BRAF: variants seen among roughly 807,000 people sequenced by gnomAD.
BRAF encodes the protein B-Raf proto-oncogene, serine/threonine kinase.
BRAF carries 16 observed loss-of-function variants against 104.6 expected under a neutral mutation model. That is an observed-to-expected ratio of 0.15 (90% CI 0.10 to 0.23). BRAF has a LOEUF of 0.23. BRAF is among the 10% of genes least tolerant of loss of function. BRAF has a pLI of 1.00. For synonymous variants in BRAF, 310 were observed against 341.6 expected, an observed-to-expected ratio of 0.91 and a Z score of 1.02; for missense variants, 541 against 937.3, an observed-to-expected ratio of 0.58 and a Z score of 5.52.
At chr7:140,728,587 T>C (rs1030410706) in intron 19 of BRAF, among the ~76,000 whole-genome samples, 1 of 151,964 alleles carries the variant, frequency 6.6e-6, no homozygotes, top group Non-Finnish European at 1.5e-5. Context: ...ACTAAGACCT[T>C]AGAGTAAAAC....
rs1472377804 is a variant in BRAF at position 140,853,215 on chromosome 7, A to C, written c.139-3003T>G. On this transcript the variant is annotated intron_variant, in intron 1 of 19. Coordinates refer to ENST00000644969, the MANE Select transcript of BRAF (RefSeq NM_001374258.1). ...CAACATAGTAGGACCCTGTATCTAC[A>C]AAAAAAAAAGAAAAAAAAAAAATAG... 4.8e-5 allele frequency among the ~76,000 whole-genome samples: 7 copies of C among 144,766 alleles called. No homozygotes were observed. The East Asian group carries it at 9.9e-4, about 21-fold the overall frequency. The allele number at this position is 144,766 out of a possible 152,430, so 95.0% of individuals were successfully genotyped here. A position where few individuals can be genotyped will look rare whatever the true frequency, so the allele number is the denominator to read the frequency against.
intron 14 of BRAF, among the ~76,000 whole-genome samples, chr7:140,771,455 A>C (rs1313602832): frequency 3.9e-5 from 6 of 152,172 alleles, no homozygotes; most frequent in Non-Finnish European, 2.9e-5. Flanking sequence ...TGGCCTCACA[A>C]AGTGCTGGGA....
chr7:140,723,566 A>G lies in BRAF; in HGVS notation c.*2928T>C. The G allele has an allele frequency of 9.5e-7, 1 of 1,048,444 alleles. No individual in the cohort carries two copies. Among genetic ancestry groups the G allele is most frequent in the Non-Finnish European group, 1.2e-6 (1 of 868,830 alleles). The allele number at this position is 1,048,444 out of a possible 1,614,324, so 64.9% of individuals were successfully genotyped here. On this transcript the variant is annotated 3_prime_UTR_variant, in exon 20 of 20. Transcript: ENST00000644969. The stretch of plus-strand genomic sequence containing the variant: ...TATTCACAAATCCCTTTTATAAACT[A>G]TTTTTTTGGTCAATATTATTTCAGT...
At chr7:140,778,636 A>G in intron 12 of BRAF, among the ~76,000 whole-genome samples, 1 of 152,116 alleles carries the variant, frequency 6.6e-6, no homozygotes, top group Admixed American at 6.5e-5. Context: ...AGCATGGCAC[A>G]TGTATATATA....
intron 1 of BRAF, among the ~76,000 whole-genome samples, chr7:140,873,086 C>T (rs1811794441): frequency 6.6e-6 from 1 of 150,458 alleles, no homozygotes; most frequent in Non-Finnish European, 1.5e-5. Context: ...TAAAGCTGGA[C>T]AAAACCGTCA....
In BRAF at chr7:140,722,810, T is replaced by A. The variant is rs1025528377; in HGVS notation, c.*3684A>T. ...GTTAGTGAAGTGATACCACAGCTAT[T>A]TAATTTCATGCAATTGACTCAAGGT... is the stretch of plus-strand genomic sequence containing the variant. On this transcript the variant is annotated 3_prime_UTR_variant, in exon 20 of 20. Transcript: ENST00000644969. 1 of 1,052,668 alleles carries A rather than the reference T, an allele frequency of 9.5e-7. No homozygotes were observed. The highest frequency in any genetic ancestry group is 1.7e-5 in the African/African-American group (1 of 60,362). 65.2% of individuals were successfully genotyped at this position (1,052,668 alleles called of 1,614,324 possible).
chr7:140,877,033 T>C (rs1478983957), intron 1 of BRAF, among the ~76,000 whole-genome samples: 1 of 152,142 alleles, frequency 6.6e-6, no homozygotes, highest in Non-Finnish European at 1.5e-5. Flanking sequence ...TAAATAATCT[T>C]TGAGTCAAAT....
intron 1 of BRAF, among the ~76,000 whole-genome samples, chr7:140,855,846 C>T (rs1004514005): frequency 6.6e-6 from 1 of 150,764 alleles, no homozygotes; most frequent in Admixed American, 6.6e-5. Flanking sequence ...AAGGCAAAAC[C>T]CTTTCTCTAC....
chr7:140,795,029 C>T (rs1397704444), intron 7 of BRAF, among the ~76,000 whole-genome samples: 1 of 152,104 alleles, frequency 6.6e-6, no homozygotes, highest in Non-Finnish European at 1.5e-5. Context: ...GCCAATATCT[C>T]TCATATTCTG....
intron 18 of BRAF, among the ~76,000 whole-genome samples, chr7:140,737,099 T>G (rs1796508190): frequency 6.6e-6 from 1 of 152,178 alleles, no homozygotes; most frequent in Non-Finnish European, 1.5e-5. Context: ...TGTCTTGTTT[T>G]CTTTTTCTCT....
chr7:140,729,289 T>C (rs1161521297), intron 19 of BRAF, among the ~76,000 whole-genome samples: 1 of 152,100 alleles, frequency 6.6e-6, no homozygotes, highest in Non-Finnish European at 1.5e-5. Context: ...CTGTTCATTA[T>C]AATGATTAGA....
intron 3 of BRAF, among the ~76,000 whole-genome samples, chr7:140,826,568 CAGG>C (rs1806073314): frequency 6.6e-6 from 1 of 152,130 alleles, no homozygotes; most frequent in South Asian, 2.1e-4. Flanking sequence ...GGGAGGGGCA[CAGG>C]AGAACCCTCT....
intron 1 of BRAF, among the ~76,000 whole-genome samples, chr7:140,875,975 A>G (rs1812200538): frequency 6.6e-6 from 1 of 152,256 alleles, no homozygotes; most frequent in African/African-American, 2.4e-5. Flanking sequence ...GGGAAATAAT[A>G]CCGGAAGGAA....
chr7:140,902,024 C>T (rs902670529), intron 1 of BRAF, among the ~76,000 whole-genome samples: 9 of 152,226 alleles, frequency 5.9e-5, no homozygotes, highest in Non-Finnish European at 1.0e-4. Flanking sequence ...GAAGTATAAA[C>T]TGTACAGGCA....
chr7:140,721,121 G>C lies in BRAF; in HGVS notation c.*5373C>G. 9.4e-7 allele frequency: 1 copy of C among 1,063,632 alleles called. No individual in the cohort carries two copies. The highest frequency in any genetic ancestry group is 1.1e-6 in the Non-Finnish European group (1 of 878,010). The allele number at this position is 1,063,632 out of a possible 1,614,324, so 65.9% of individuals were successfully genotyped here. The stretch of plus-strand genomic sequence containing the variant: ...AAAATGGATACACTGGCTTACATTG[G>C]CTGTGTCCTCATACACACTCGTCAA... On this transcript the variant is annotated 3_prime_UTR_variant, in exon 20 of 20. Coordinates refer to ENST00000644969, the MANE Select transcript of BRAF (RefSeq NM_001374258.1).
chr7:140,811,288 T>C (rs1236332495), intron 3 of BRAF, among the ~76,000 whole-genome samples: 2 of 152,128 alleles, frequency 1.3e-5, no homozygotes, highest in South Asian at 2.1e-4. Flanking sequence ...CATAGCTTTA[T>C]TGGGTGACAT....
At chr7:140,769,805 C>T (rs1799669036) in intron 14 of BRAF, among the ~76,000 whole-genome samples, 1 of 152,104 alleles carries the variant, frequency 6.6e-6, no homozygotes, top group South Asian at 2.1e-4. Flanking sequence ...AAACTCCCGG[C>T]CTCAAGTGAT....
At chr7:140,846,609 C>T (rs1808568764) in intron 2 of BRAF, among the ~76,000 whole-genome samples, 1 of 151,654 alleles carries the variant, frequency 6.6e-6, no homozygotes, top group African/African-American at 2.4e-5. Context: ...GTGAAGGATA[C>T]ACAAAAACAT....
At chr7:140,871,947 T>TGG (rs1326200638) in intron 1 of BRAF, among the ~76,000 whole-genome samples, 10 of 152,286 alleles carry the variant, frequency 6.6e-5, no homozygotes, top group Middle Eastern at 3.4e-3. Flanking sequence ...CCAGACACGG[T>TGG]GGCTCATGCC....
Sources: gnomAD v4.1 joint callset for allele counts (sites outside exome capture counted in the v4.1 genomes callset) on GRCh38, gnomAD v4.1.1 for gene constraint, MANE v1.5 for transcripts, NCBI Gene and HGNC (gene_info 2026-07-23, HGNC 2026-07-21) for gene names.